The following APC2 variants were observed in gnomAD, a reference collection of about 807,000 sequenced individuals.
APC2 encodes the protein APC regulator of Wnt signaling pathway 2.
Under a neutral mutation model 72.5 loss-of-function variants are expected in APC2, and 41 were observed. That is an observed-to-expected ratio of 0.57 (90% CI 0.44 to 0.73). The LOEUF is 0.73. Ranked by LOEUF, APC2 falls within the 30% of genes least tolerant of loss-of-function variation. The pLI, the probability that APC2 is intolerant of heterozygous loss-of-function variation, is 0.00. For missense variants in APC2, 3,729 were observed against 3,403.4 expected (o/e 1.10, Z -2.38); for synonymous variants, 1,898 against 1,612.0 (o/e 1.18, Z -4.25).
intron 14 of APC2, among the ~76,000 whole-genome samples, chr19:1,463,594 A>AG (rs1284497184): frequency 1.3e-5 from 2 of 151,556 alleles, no homozygotes; most frequent in South Asian, 2.1e-4. Flanking sequence ...AAAAAAAAAA[A>AG]AAAGAAAAAT....
At chr19:1,457,504 A>C (rs766395098) in intron 9 of APC2, 14 of 557,840 alleles carry the variant, frequency 2.5e-5, no homozygotes, top group Non-Finnish European at 4.3e-5. Context: ...AGTTGGGTGC[A>C]GACTTTGAGA....
Position 1,462,077 on chromosome 19 carries a change from C to T in APC2, c.1753C>T (p.Leu585=), listed in dbSNP as rs2083934894. The change falls in exon 14 of 15, where the codon CTG becomes TTG. Residue 585 remains leucine (L), a synonymous_variant. Transcript: ENST00000590469. ...CGCCCTGGGCTTCCTGGTGAGCACC[C>T]TGACCTACAAGTGTCAGAGCAACTC... ...DGALGFLVST[L]TYKCQSNSLA... 6.2e-7 allele frequency: 1 copy of T among 1,612,962 alleles called. No homozygotes were observed. The highest frequency in any genetic ancestry group is 1.1e-5 in the South Asian group (1 of 91,088).
At chr19:1,461,501 G>A (rs151107923) in intron 13 of APC2, 4,208 of 383,580 alleles carry the variant, frequency 0.011, 35 homozygotes, top group South Asian at 0.02. Context: ...CCTAGGAGGC[G>A]GAGGTTGCGC....
At chr19:1,447,357 G>C (rs2083696931), upstream of APC2, among the ~76,000 whole-genome samples, 1 of 152,228 alleles carries the variant, frequency 6.6e-6, no homozygotes, top group South Asian at 2.1e-4. Flanking sequence ...GACACTCCAA[G>C]AGTGAGCCGT....
Position 1,466,770 on chromosome 19 carries a change from C to G in APC2, c.3469C>G (p.Leu1157Val). The change falls in exon 15 of 15, where the codon CTT (leucine) becomes GTT (valine). Residue 1157 changes from leucine to valine, a missense_variant. Transcript: ENST00000590469. The part of the protein sequence containing the change: ...SSENYVQETP[L>V]VLSRCSSVSS... ...GGAGAACTACGTGCAGGAGACACCG[C>G]TTGTGCTGAGCCGCTGCAGCTCTGT... 6.5e-7 allele frequency: 1 copy of G among 1,550,198 alleles called. No individual in the cohort carries two copies.
intron 10 of APC2, 88 bp from the exon 11 acceptor site, chr19:1,460,093 A>G: frequency 6.4e-7 from 1 of 1,561,158 alleles, no homozygotes; most frequent in Non-Finnish European, 8.7e-7. Flanking sequence ...GGGCATAGGG[A>G]GGGCCTCTGG....
At chr19:1,463,476 G>C (rs1056548410) in intron 14 of APC2, among the ~76,000 whole-genome samples, 4 of 151,156 alleles carry the variant, frequency 2.6e-5, no homozygotes, top group Non-Finnish European at 4.4e-5. Flanking sequence ...CCAGCTACTC[G>C]GGAGGCTGAG....
chr19:1,464,831 C>T (rs1017813900), intron 14 of APC2, among the ~76,000 whole-genome samples: 3 of 151,626 alleles, frequency 2.0e-5, no homozygotes, highest in African/African-American at 7.3e-5. Flanking sequence ...GAGGGTTTCA[C>T]CATGTTGGCC....
At chr19:1,456,228 G>GC in intron 7 of APC2, 75 bp downstream of exon 7, 1 of 1,549,986 alleles carries the variant, frequency 6.5e-7, no homozygotes, top group Non-Finnish European at 8.7e-7. Context: ...AGTTCTGCCC[G>GC]CCCCCGCCCA....
At position 1,466,680 on chromosome 19, in the gene APC2, C is replaced by A. The variant is rs1053497705; in HGVS notation, c.3379C>A (p.Pro1127Thr). ...GGCCACCTCGCTGCCCGTAGCCATT[C>A]CGGCTCCCCGGCGTAACCGAGGCCG... ...PGATSLPVAI[P>T]APRRNRGRGL... Residue 1127 changes from proline (P) to threonine (T), a missense_variant, in exon 15 of 15, where the codon CCG becomes ACG. Physicochemically the swap from Pro to Thr is conservative, Grantham distance 38 (BLOSUM62 -1). Transcript: ENST00000590469. The A allele has an allele frequency of 2.7e-6, 4 of 1,508,144 alleles. No individual in the cohort carries two copies. The highest frequency in any genetic ancestry group is 2.8e-5 in the African/African-American group (2 of 72,658). The allele number at this position is 1,508,144 out of a possible 1,614,324, so 93.4% of individuals were successfully genotyped here. A position where few individuals can be genotyped will look rare whatever the true frequency, so the allele number is the denominator to read the frequency against.
chr19:1,463,581 CAAA>C (rs58370572), intron 14 of APC2, among the ~76,000 whole-genome samples: 25 of 96,238 alleles, frequency 2.6e-4, no homozygotes, highest in Non-Finnish European at 1.6e-4. Context: ...AAAACTGTCT[CAAA>C]AAAAAAAAAA....
At chr19:1,464,936 CTTT>C (rs78166202) in intron 14 of APC2, among the ~76,000 whole-genome samples, 62 of 142,742 alleles carry the variant, frequency 4.3e-4, no homozygotes, top group Non-Finnish European at 5.1e-4. Flanking sequence ...CCCGGCCTAC[CTTT>C]TTTTTTTTTT....
chr19:1,453,292 G>A lies in APC2; in HGVS notation c.187G>A (p.Val63Met). 1 of 1,584,514 alleles carries A rather than the reference G, an allele frequency of 6.3e-7. No individual in the cohort carries two copies. The highest frequency in any genetic ancestry group is 8.6e-7 in the Non-Finnish European group (1 of 1,165,178). Reference sequence around the variant, plus strand: ...GGGAAAACTGGAGCAGGAGGCCCGAGTGCTGGTGTCCTCGGGGCAGACGGA... The same window carrying A: ...GGGAAAACTGGAGCAGGAGGCCCGAATGCTGGTGTCCTCGGGGCAGACGGA... ...LQGKLEQEAR[V>M]LVSSGQTEVL... Residue 63 changes from valine (V) to methionine (M), a missense_variant, in exon 3 of 15, where the codon GTG (valine) becomes ATG (methionine). Val to Met is a conservative substitution (Grantham distance 21). Transcript: ENST00000590469.
chr19:1,467,599 C>T lies in APC2; in HGVS notation c.4298C>T (p.Thr1433Ile). The stretch of plus-strand genomic sequence containing the variant: ...AGGCAAAGACCCACCGGCCGCCCCA[C>T]CTCTGCCAGACAGGCCATGGGGCAC... ...AGRQRPTGRP[T>I]SARQAMGHRH... The change falls in exon 15 of 15, where the codon ACC becomes ATC. Residue 1433 changes from threonine (T) to isoleucine (I), a missense_variant. Physicochemically the swap from Thr to Ile is moderately conservative, Grantham distance 89. Coordinates refer to ENST00000590469, the MANE Select transcript of APC2 (RefSeq NM_005883.3). The T allele has an allele frequency of 1.3e-6, 2 of 1,512,686 alleles. No homozygotes were observed. Among genetic ancestry groups the T allele is most frequent in the Non-Finnish European group, 1.8e-6 (2 of 1,137,078 alleles). 93.7% of individuals were successfully genotyped at this position (1,512,686 alleles called of 1,614,324 possible). A position where few individuals can be genotyped will look rare whatever the true frequency, so the allele number is the denominator to read the frequency against.
intron 1 of APC2, chr19:1,451,696 G>A (rs905948636): frequency 6.6e-6 from 1 of 152,288 alleles, no homozygotes; most frequent in Non-Finnish European, 1.5e-5. Flanking sequence ...TTCTCCCTCT[G>A]GGAACAGCCA....
chr19:1,457,981 G>A lies in APC2; in HGVS notation c.1224G>A (p.Glu408=), dbSNP rs568530097. The A allele has an allele frequency of 2.6e-6, 4 of 1,558,022 alleles. No homozygotes were observed. The East Asian group carries it at 7.0e-5, about 27-fold the overall frequency. The change falls in exon 10 of 15, where the codon GAG becomes GAA. Residue 408 remains glutamate, a synonymous_variant. Transcript: ENST00000590469. ...GGAGSAPIPI[E]PQICQATCAV... ...TGCCCACAGCCCCGATCCCCATCGAGCCGCAGATCTGCCAGGCCACCTGTG... is the reference window on the plus strand; with the variant it reads ...TGCCCACAGCCCCGATCCCCATCGAACCGCAGATCTGCCAGGCCACCTGTG...
At position 1,452,161 on chromosome 19, in the gene APC2, G is replaced by A. The variant is rs115698844; in HGVS notation, c.-18-823G>A. The A allele has an allele frequency of 4.5e-3, 687 of 153,304 alleles. 7 individuals are homozygous for A. Among genetic ancestry groups the A allele is most frequent in the African/African-American group, 0.016 (665 of 41,554 alleles). The allele number at this position is 153,304 out of a possible 1,614,324, so 9.5% of individuals were successfully genotyped here. ...GGAGGGCCGAGCCGAGGGAGGAGGCGCCGGCCAGCTGGACAGAGGGAGGAG... is the reference window on the plus strand; with the variant it reads ...GGAGGGCCGAGCCGAGGGAGGAGGCACCGGCCAGCTGGACAGAGGGAGGAG... On this transcript the variant is annotated intron_variant, in intron 1 of 14. Coordinates refer to ENST00000590469, the MANE Select transcript of APC2 (RefSeq NM_005883.3). The surrounding 1 kb of genome is among the most constrained non-coding windows in gnomAD (Gnocchi z 5.1).
At chr19:1,448,392 C>G (rs2083705686), upstream of APC2, among the ~76,000 whole-genome samples, 2 of 151,570 alleles carry the variant, frequency 1.3e-5, no homozygotes, top group Admixed American at 1.3e-4. Flanking sequence ...ATTAAAAATA[C>G]AAAAATTAGC....
At chr19:1,461,552 CA>C (rs890836912) in intron 13 of APC2, 8 of 315,746 alleles carry the variant, frequency 2.5e-5, no homozygotes, top group African/African-American at 4.3e-5. Context: ...GACTGCGTCT[CA>C]AAAAAACAAC....
Sources: gnomAD v4.1 joint callset for allele counts (sites outside exome capture counted in the v4.1 genomes callset) on GRCh38, gnomAD v4.1.1 for gene constraint, Gnocchi (gnomAD v3.1) non-coding constraint, MANE v1.5 for transcripts, NCBI Gene and HGNC (gene_info 2026-07-23, HGNC 2026-07-21) for gene names.